CORO2A: variants seen among roughly 807,000 people sequenced by gnomAD.
CORO2A encodes coronin 2A.
In CORO2A, 47 loss-of-function variants were observed where a neutral mutation model predicts 62.4. The observed-to-expected ratio is 0.75, with a 90% CI of 0.60 to 0.96. The LOEUF is 0.96. Ranked by LOEUF, CORO2A falls within the 40% of genes least tolerant of loss-of-function variation. CORO2A has a pLI of 0.00. For missense variants in CORO2A, 610 were observed against 684.1 expected, an observed-to-expected ratio of 0.89 and a Z score of 1.21; for synonymous variants, 273 against 268.9, an observed-to-expected ratio of 1.02 and a Z score of -0.15.
chr9:98,126,304 G>A (rs1827317737), intron 11 of CORO2A, among the ~76,000 whole-genome samples: 1 of 152,034 alleles, frequency 6.6e-6, no homozygotes, highest in Non-Finnish European at 1.5e-5. Context: ...AAAGTGCTGG[G>A]ATTACAAGAG....
At chr9:98,141,207 G>GTCTCTGCC (rs1827561170) in intron 2 of CORO2A, among the ~76,000 whole-genome samples, 1 of 152,084 alleles carries the variant, frequency 6.6e-6, no homozygotes, top group Admixed American at 6.6e-5. Flanking sequence ...CTTTCAAGTG[G>GTCTCTGCC]TCTCTGCCTC....
At chr9:98,137,838 G>T in intron 2 of CORO2A, 150 bp from the exon 3 acceptor site, 1 of 648,714 alleles carries the variant, frequency 1.5e-6, no homozygotes, top group Non-Finnish European at 2.8e-6. Context: ...TTCCCTGTGG[G>T]ATCCTGGGGG....
At chr9:98,190,904 T>C (rs1828298409) in intron 1 of CORO2A, among the ~76,000 whole-genome samples, 1 of 152,242 alleles carries the variant, frequency 6.6e-6, no homozygotes, top group South Asian at 2.1e-4. Context: ...CTCCCAGTCC[T>C]GTGCAGCTCC....
intron 1 of CORO2A, among the ~76,000 whole-genome samples, chr9:98,158,711 A>C (rs1313957323): frequency 6.6e-6 from 1 of 152,122 alleles, no homozygotes; most frequent in Non-Finnish European, 1.5e-5. Flanking sequence ...TTGGAGGATG[A>C]GTAGGAGTTG....
At chr9:98,132,346 C>T (rs374508656) in intron 5 of CORO2A, 45 bp from the exon 6 acceptor site, 4 of 1,540,984 alleles carry the variant, frequency 2.6e-6, no homozygotes, top group African/African-American at 1.4e-5. Context: ...AGTAGAGGAT[C>T]GGGGGCAGCT....
At chr9:98,146,700 G>C (rs921047511) in intron 2 of CORO2A, among the ~76,000 whole-genome samples, 4 of 152,206 alleles carry the variant, frequency 2.6e-5, no homozygotes, top group Non-Finnish European at 5.9e-5. Flanking sequence ...AGTGAAGTGA[G>C]AGCAAGGCCC....
chr9:98,143,313 GCCACTGTCACGAC>G (rs1410049719), intron 2 of CORO2A, among the ~76,000 whole-genome samples: 1 of 152,214 alleles, frequency 6.6e-6, no homozygotes, highest in African/African-American at 2.4e-5. Context: ...AGGTTGTGAG[GCCACTGTCACGAC>G]CCTCAGCAGT....
At chr9:98,131,093 T>C (rs1827399869) in intron 6 of CORO2A, 34 bp from the exon 7 acceptor site, 1 of 1,514,860 alleles carries the variant, frequency 6.6e-7, no homozygotes, top group South Asian at 1.2e-5. Flanking sequence ...AAGGCCTGGG[T>C]CACTCCTGGG....
rs1444211678 is a variant in CORO2A at position 98,126,648 on chromosome 9, C to T, written c.1347G>A (p.Met449Ile). 1.2e-6 allele frequency: 2 copies of T among 1,614,108 alleles called. No individual in the cohort carries two copies. The highest frequency in any genetic ancestry group is 2.7e-5 in the African/African-American group (2 of 74,940). ...WRSSSLLEEK[M>I]PRWAAEHRLE... ...GCCTGTGTTCTGCTGCCCACCTTGG[C>T]ATCTTCTCCTCCAACAGGGAGGAAG... is the stretch of plus-strand genomic sequence containing the variant. Residue 449 changes from methionine to isoleucine, a missense_variant, in exon 11 of 12, where the codon ATG becomes ATA. By Grantham distance (10) the Met-to-Ile change is conservative. Coordinates refer to ENST00000375077, the MANE Select transcript of CORO2A (RefSeq NM_052820.4).
chr9:98,130,698 G>A (rs1485494291), intron 7 of CORO2A, among the ~76,000 whole-genome samples: 1 of 152,202 alleles, frequency 6.6e-6, no homozygotes, highest in African/African-American at 2.4e-5. Context: ...TTTAGCAGGT[G>A]CCCCTGCTGA....
In CORO2A at chr9:98,133,057, C is replaced by T. The variant is rs957426024; in HGVS notation, c.629G>A (p.Arg210Gln). The T allele has an allele frequency of 1.4e-5, 23 of 1,614,078 alleles. No homozygotes were observed. In the Admixed American group the frequency reaches 1.8e-4, roughly 13 times the overall value. Residue 210 changes from arginine to glutamine, a missense_variant, in exon 5 of 12, where the codon CGA becomes CAA. By Grantham distance (43) the Arg-to-Gln change is conservative. Transcript: ENST00000375077. ...ACTGACCTGGAGGACGGTCCCTGCT[C>T]GGGGGTCAATAACCCGAATCTTGCG... ...KDRKIRVIDP[R>Q]AGTVLQEASY...
chr9:98,173,501 A>G (rs561733815), intron 1 of CORO2A, among the ~76,000 whole-genome samples: 1 of 151,924 alleles, frequency 6.6e-6, no homozygotes, highest in East Asian at 1.9e-4. Flanking sequence ...CCACCCCCCA[A>G]CTCGGTGGCC....
rs1443630909 is a variant in CORO2A, at chr9:98,121,741, G to T, written c.*3033C>A. The stretch of plus-strand genomic sequence containing the variant: ...GCTAGGTCTTTGATTCTGAACATGG[G>T]GACTGTAATGCCTGCCTGACCTGTG... On this transcript the variant is annotated 3_prime_UTR_variant, in exon 12 of 12. Transcript: ENST00000375077. 1 of 152,126 alleles carries T rather than the reference G, an allele frequency of 6.6e-6. No individual in the cohort carries two copies. The highest frequency in any genetic ancestry group is 1.5e-5 in the Non-Finnish European group (1 of 68,046). The allele number at this position is 152,126 out of a possible 1,614,324, so 9.4% of individuals were successfully genotyped here. A position where few individuals can be genotyped will look rare whatever the true frequency, so the allele number is the denominator to read the frequency against.
At chr9:98,140,307 A>G (rs1299790679) in intron 2 of CORO2A, among the ~76,000 whole-genome samples, 1 of 152,146 alleles carries the variant, frequency 6.6e-6, no homozygotes, top group African/African-American at 2.4e-5. Context: ...AACACTCAAC[A>G]TAGTCCTTGA....
At chr9:98,183,113 C>A (rs910349126) in intron 1 of CORO2A, among the ~76,000 whole-genome samples, 1 of 152,196 alleles carries the variant, frequency 6.6e-6, no homozygotes, top group African/African-American at 2.4e-5. Flanking sequence ...CAGGCCCTTC[C>A]CCGGCCTGGC....
intron 1 of CORO2A, among the ~76,000 whole-genome samples, chr9:98,176,293 A>T (rs1449096321): frequency 6.6e-6 from 1 of 152,134 alleles, no homozygotes. Flanking sequence ...CTCCCAAATC[A>T]TATTACATCT....
chr9:98,127,817 CAAAAAAAAAAAAAAAA>C (rs11342322), intron 10 of CORO2A, among the ~76,000 whole-genome samples: 2 of 49,008 alleles, frequency 4.1e-5, no homozygotes, highest in Non-Finnish European at 3.4e-5. Flanking sequence ...GACTCTGTCT[CAAAAAAAAAAAAAAAA>C]AAAAAAAAAA....
chr9:98,129,863 C>T lies in CORO2A; in HGVS notation c.898G>A (p.Val300Met). 6.2e-7 allele frequency: 1 copy of T among 1,614,054 alleles called. No homozygotes were observed. The highest frequency in any genetic ancestry group is 8.5e-7 in the Non-Finnish European group (1 of 1,179,974). The part of the protein sequence containing the change: ...KGDGNIRYYE[V>M]SADKPHLSYL... ...CTCAGGTGAGGCTTGTCGGCGCTCA[C>T]CTCGTAGTAGCGGATGTTGCCATCT... is the stretch of plus-strand genomic sequence containing the variant. Residue 300 changes from valine to methionine, a missense_variant, in exon 8 of 12, where the codon GTG becomes ATG. Transcript: ENST00000375077.
At chr9:98,125,663 T>C (rs1417967320) in intron 11 of CORO2A, among the ~76,000 whole-genome samples, 1 of 151,066 alleles carries the variant, frequency 6.6e-6, no homozygotes, top group Non-Finnish European at 1.5e-5. Context: ...AAGACTTTGA[T>C]ACCCACTAGG....
Sources: allele counts gnomAD v4.1 joint callset (sites outside exome capture counted in the v4.1 genomes callset), GRCh38; gene constraint gnomAD v4.1.1; transcripts MANE v1.5; gene names NCBI Gene and HGNC (gene_info 2026-07-23, HGNC 2026-07-21).